The following TRPC4 variants were observed in gnomAD, a reference collection of about 807,000 sequenced individuals.
The protein encoded by TRPC4 is transient receptor potential cation channel subfamily C member 4.
TRPC4 carries 49 observed loss-of-function variants against 99.4 expected under a neutral mutation model. That is an observed-to-expected ratio of 0.49 (90% CI 0.39 to 0.63). The LOEUF is 0.63. Among genes scored for constraint, TRPC4 ranks in the 20% least tolerant of loss-of-function variants. The pLI is 0.00. For synonymous variants in TRPC4, 454 were observed against 425.9 expected, an observed-to-expected ratio of 1.07 and a Z score of -0.81; for missense variants, 898 against 1,152.9, an observed-to-expected ratio of 0.78 and a Z score of 3.20.
chr13:37,799,752 A>C (rs1237047689), intron 1 of TRPC4, among the ~76,000 whole-genome samples: 1 of 152,242 alleles, frequency 6.6e-6, no homozygotes, highest in Non-Finnish European at 1.5e-5. Flanking sequence ...AACTAAATGC[A>C]CAACCCAAGA....
chr13:37,756,271 A>G (rs967276988), intron 2 of TRPC4, among the ~76,000 whole-genome samples: 9 of 152,118 alleles, frequency 5.9e-5, no homozygotes, highest in Non-Finnish European at 1.3e-4. Flanking sequence ...TGAATGGATG[A>G]ATGGATGGAT....
At chr13:37,817,527 T>C (rs1025683068) in intron 1 of TRPC4, among the ~76,000 whole-genome samples, 1 of 151,972 alleles carries the variant, frequency 6.6e-6, no homozygotes, top group African/African-American at 2.4e-5. Flanking sequence ...AGAACTATTT[T>C]AAAATTTACA....
chr13:37,753,598 AG>A (rs1956008883), intron 2 of TRPC4, among the ~76,000 whole-genome samples: 5 of 142,094 alleles, frequency 3.5e-5, no homozygotes, highest in African/African-American at 1.2e-4. Flanking sequence ...AGAGAGAGAG[AG>A]AGAGAGAGAA....
intron 2 of TRPC4, 58 bp downstream of exon 2, chr13:37,782,897 GA>G (rs1956876267): frequency 7.7e-7 from 1 of 1,298,290 alleles, no homozygotes; most frequent in African/African-American, 1.5e-5. Flanking sequence ...AGAAAGAAAA[GA>G]AAAAACAAAA....
intron 1 of TRPC4, among the ~76,000 whole-genome samples, chr13:37,838,869 G>C (rs1325480649): frequency 2.0e-5 from 3 of 152,010 alleles, no homozygotes; most frequent in African/African-American, 7.3e-5. Context: ...CAGTACTTCT[G>C]TCCACGATTA....
At chr13:37,815,459 G>A (rs944512688) in intron 1 of TRPC4, among the ~76,000 whole-genome samples, 1 of 151,674 alleles carries the variant, frequency 6.6e-6, no homozygotes, top group African/African-American at 2.4e-5. Context: ...AAAAAAGCAA[G>A]GATTGATAGT....
At chr13:37,792,373 T>C (rs1258864207) in intron 1 of TRPC4, among the ~76,000 whole-genome samples, 3 of 152,162 alleles carry the variant, frequency 2.0e-5, no homozygotes, top group Non-Finnish European at 2.9e-5. Flanking sequence ...GCATAATTTG[T>C]AGAATTAGAA....
chr13:37,867,060 G>A (rs1188995662), intron 1 of TRPC4, among the ~76,000 whole-genome samples: 1 of 151,536 alleles, frequency 6.6e-6, no homozygotes, highest in Non-Finnish European at 1.5e-5. Flanking sequence ...AAGCTATATG[G>A]CAATGATGGT....
intron 2 of TRPC4, among the ~76,000 whole-genome samples, chr13:37,748,922 G>T (rs11620255): frequency 0.36 from 54,396 of 151,690 alleles, 11,549 homozygotes; most frequent in Non-Finnish European, 0.49. Context: ...ATGGTCAATT[G>T]GTTGGTCAGT....
intron 3 of TRPC4, among the ~76,000 whole-genome samples, chr13:37,717,134 T>C (rs1954704262): frequency 6.6e-6 from 1 of 152,102 alleles, no homozygotes. Context: ...CAGGGAGTTA[T>C]AAGGGAGAAA....
At chr13:37,751,082 C>T (rs1593657202) in intron 2 of TRPC4, among the ~76,000 whole-genome samples, 1 of 152,046 alleles carries the variant, frequency 6.6e-6, no homozygotes, top group African/African-American at 2.4e-5. Context: ...GTGTAGTCTA[C>T]CAGCAGCCTC....
chr13:37,700,386 C>T, intron 3 of TRPC4, among the ~76,000 whole-genome samples: 1 of 152,162 alleles, frequency 6.6e-6, no homozygotes, highest in Non-Finnish European at 1.5e-5. Context: ...GAGCCACTGA[C>T]ATTTTCCACA....
chr13:37,767,634 G>C (rs1015005042), intron 2 of TRPC4, among the ~76,000 whole-genome samples: 2 of 151,192 alleles, frequency 1.3e-5, no homozygotes, highest in Admixed American at 6.6e-5. Flanking sequence ...AATAATCTTG[G>C]TTTCATTCTG....
At chr13:37,727,581 G>A (rs9603251) in intron 3 of TRPC4, among the ~76,000 whole-genome samples, 2,486 of 151,960 alleles carry the variant, frequency 0.016, 61 homozygotes, top group African/African-American at 0.057. Context: ...AAACAAAATA[G>A]AGAATAGAAA....
At chr13:37,723,496 A>T (rs1954941156) in intron 3 of TRPC4, among the ~76,000 whole-genome samples, 1 of 152,162 alleles carries the variant, frequency 6.6e-6, no homozygotes, top group African/African-American at 2.4e-5. Context: ...ATGCTGACAG[A>T]TGTGAAGAAA....
chr13:37,796,073 T>C (rs987913410), intron 1 of TRPC4, among the ~76,000 whole-genome samples: 2 of 152,144 alleles, frequency 1.3e-5, no homozygotes, highest in Admixed American at 6.6e-5. Flanking sequence ...TTTTTGGTCA[T>C]GGCAGGCAGG....
chr13:37,688,950 T>A (rs1406464982), intron 4 of TRPC4, among the ~76,000 whole-genome samples: 2 of 152,186 alleles, frequency 1.3e-5, no homozygotes, highest in East Asian at 1.9e-4. Context: ...ACTTACTTTA[T>A]CAGACAGCAG....
chr13:37,720,934 T>C (rs960665222), intron 3 of TRPC4, among the ~76,000 whole-genome samples: 2 of 152,224 alleles, frequency 1.3e-5, no homozygotes, highest in African/African-American at 2.4e-5. Context: ...ACTCATAGGC[T>C]GGTGTAAAAA....
At chr13:37,857,786 A>G (rs1959185894) in intron 1 of TRPC4, among the ~76,000 whole-genome samples, 1 of 151,818 alleles carries the variant, frequency 6.6e-6, no homozygotes, top group Admixed American at 6.6e-5. Flanking sequence ...AAAAATTTAA[A>G]TCTGAGACCT....
Sources: gnomAD v4.1 joint callset for allele counts (sites outside exome capture counted in the v4.1 genomes callset) on GRCh38, gnomAD v4.1.1 for gene constraint, MANE v1.5 for transcripts, NCBI Gene and HGNC (gene_info 2026-07-23, HGNC 2026-07-21) for gene names.